Variants in FOXN3 observed in about 807,000 individuals in gnomAD.
FOXN3 encodes forkhead box protein N3.
A neutral mutation model predicts 38.4 loss-of-function variants in FOXN3; 7 were observed. The ratio of observed to expected loss-of-function variants is 0.18; its 90% CI spans 0.10 to 0.34. FOXN3 has a LOEUF of 0.34. Ranked by LOEUF, FOXN3 falls within the 10% of genes least tolerant of loss-of-function variation. The probability of loss-of-function intolerance (pLI) is 1.00; values close to 1 mark genes in which losing one functional copy is unlikely to be tolerated. For synonymous variants in FOXN3, 230 were observed against 242.2 expected, an observed-to-expected ratio of 0.95 and a Z score of 0.47; for missense variants, 456 against 613.4, an observed-to-expected ratio of 0.74 and a Z score of 2.71.
rs996305983 is a variant in FOXN3, at chr14:89,484,809, G to A, written c.-14-72319C>T. Among the ~76,000 whole-genome samples the A allele has an allele frequency of 6.6e-6, 1 of 152,278 alleles. No individual in the cohort carries two copies. The highest frequency in any genetic ancestry group is 1.9e-4 in the East Asian group (1 of 5,176). On this transcript the variant is annotated intron_variant, in intron 1 of 6. Coordinates refer to the FOXN3 transcript ENST00000345097. The surrounding 1 kb of genome is among the most constrained non-coding windows in gnomAD (Gnocchi z 4.0). ...AGGGAGGACCCAACAGGCAGTGAGC[G>A]GGGTCTCCACTGACAACTCTCAGTA...
At chr14:89,265,182 G>A (rs1294719631) in intron 4 of FOXN3, among the ~76,000 whole-genome samples, 2 of 152,192 alleles carry the variant, frequency 1.3e-5, no homozygotes, top group African/African-American at 4.8e-5. Flanking sequence ...TTATCAGCTA[G>A]TAATCTTTCC....
At chr14:89,264,813 A>T (rs903392522) in intron 4 of FOXN3, among the ~76,000 whole-genome samples, 2 of 152,232 alleles carry the variant, frequency 1.3e-5, no homozygotes, top group African/African-American at 4.8e-5. Flanking sequence ...CTTCTCAAGT[A>T]GGATTCCATG....
chr14:89,536,365 G>C (rs975873902), intron 1 of FOXN3, among the ~76,000 whole-genome samples: 1 of 152,200 alleles, frequency 6.6e-6, no homozygotes, highest in Non-Finnish European at 1.5e-5. Context: ...AGAAAGTAGT[G>C]AGTACACACT....
chr14:89,496,042 G>A lies in FOXN3; in HGVS notation c.-14-83552C>T, dbSNP rs139946423. On this transcript the variant is annotated intron_variant, in intron 1 of 6. Coordinates refer to the FOXN3 transcript ENST00000345097. ...AGCTTGGCCAACGTGGTAAAATCCC[G>A]TCTCTACTAAAAATTCAAAAATTAG... 6.0e-3 allele frequency among the ~76,000 whole-genome samples: 920 copies of A among 152,178 alleles called. 6 individuals carry two copies. The highest frequency in any genetic ancestry group is 9.6e-3 in the Non-Finnish European group (650 of 68,028).
chr14:89,228,225 G>C (rs982482170), intron 4 of FOXN3, among the ~76,000 whole-genome samples: 2 of 152,254 alleles, frequency 1.3e-5, no homozygotes, highest in Admixed American at 1.3e-4. Context: ...TTGATGGTCT[G>C]ATAAAAGAGG....
intron 2 of FOXN3, among the ~76,000 whole-genome samples, chr14:89,409,081 G>C (rs1891465461): frequency 6.6e-6 from 1 of 152,172 alleles, no homozygotes; most frequent in African/African-American, 2.4e-5. Flanking sequence ...CAAGAAAGAG[G>C]AGAAAAGTGG....
intron 4 of FOXN3, among the ~76,000 whole-genome samples, chr14:89,228,310 C>A (rs1368888937): frequency 6.6e-6 from 1 of 152,206 alleles, no homozygotes; most frequent in Non-Finnish European, 1.5e-5. Context: ...CTTCTAAACT[C>A]TTCAATGTAC....
intron 3 of FOXN3, among the ~76,000 whole-genome samples, chr14:89,282,612 A>G (rs1479630792): frequency 6.6e-6 from 1 of 152,262 alleles, no homozygotes; most frequent in Non-Finnish European, 1.5e-5. Context: ...AGCAGGGAAC[A>G]GCAAGCTGGC....
chr14:89,597,541 T>C (rs1896081834), intron 1 of FOXN3, among the ~76,000 whole-genome samples: 1 of 152,218 alleles, frequency 6.6e-6, no homozygotes, highest in Non-Finnish European at 1.5e-5. Context: ...TACCAATTAC[T>C]GAGAGGTGTT....
At chr14:89,525,187 TACTC>T (rs1259938215) in intron 1 of FOXN3, among the ~76,000 whole-genome samples, 2 of 152,142 alleles carry the variant, frequency 1.3e-5, no homozygotes, top group African/African-American at 4.8e-5. Flanking sequence ...GAGGCATTCT[TACTC>T]ACAGGGTGAG....
chr14:89,304,001 A>C (rs966085469), intron 3 of FOXN3, among the ~76,000 whole-genome samples: 1 of 152,208 alleles, frequency 6.6e-6, no homozygotes, highest in Non-Finnish European at 1.5e-5. Flanking sequence ...GCAGTCCATA[A>C]ATGATCCTTT....
intron 1 of FOXN3, among the ~76,000 whole-genome samples, chr14:89,467,599 T>C (rs1596286186): frequency 6.7e-6 from 1 of 149,438 alleles, no homozygotes; most frequent in Non-Finnish European, 1.5e-5. Context: ...AAATTAAAGC[T>C]AAAACATTTT....
chr14:89,274,556 A>T (rs1190019834), intron 4 of FOXN3, among the ~76,000 whole-genome samples: 1 of 152,162 alleles, frequency 6.6e-6, no homozygotes, highest in African/African-American at 2.4e-5. Flanking sequence ...CACATCTCGC[A>T]GGCCCATTTT....
intron 1 of FOXN3, among the ~76,000 whole-genome samples, chr14:89,447,232 C>T (rs1892521651): frequency 6.6e-6 from 1 of 151,152 alleles, no homozygotes; most frequent in South Asian, 2.1e-4. Flanking sequence ...TTCCTAAAAG[C>T]AGAATTGCTG....
chr14:89,572,489 G>A (rs1287219724), intron 1 of FOXN3, among the ~76,000 whole-genome samples: 3 of 152,172 alleles, frequency 2.0e-5, no homozygotes, highest in African/African-American at 4.8e-5. Context: ...CCAGGCACTG[G>A]CTGGCCCTAA....
At chr14:89,543,911 G>C (rs1184835127) in intron 1 of FOXN3, among the ~76,000 whole-genome samples, 2 of 152,006 alleles carry the variant, frequency 1.3e-5, no homozygotes, top group Admixed American at 1.3e-4. Flanking sequence ...AATGGGGGTG[G>C]GGGGGAAGTA....
intron 1 of FOXN3, among the ~76,000 whole-genome samples, chr14:89,437,715 G>GGTTT (rs1433174182): frequency 3.3e-5 from 5 of 152,280 alleles, no homozygotes; most frequent in African/African-American, 1.2e-4. Flanking sequence ...CATAAAAATA[G>GGTTT]GCAACCAGCA....
chr14:89,436,915 A>G (rs1465231869), intron 1 of FOXN3, among the ~76,000 whole-genome samples: 1 of 152,116 alleles, frequency 6.6e-6, no homozygotes, highest in Non-Finnish European at 1.5e-5. Context: ...GGGAGGCCGA[A>G]GCAGGTGGAT....
intron 4 of FOXN3, among the ~76,000 whole-genome samples, chr14:89,195,938 G>C (rs1462454500): frequency 2.0e-5 from 3 of 152,014 alleles, no homozygotes; most frequent in Non-Finnish European, 4.4e-5. Flanking sequence ...TGCTGTCATG[G>C]GTGCTGAATA....
Sources: gnomAD v4.1 joint callset for allele counts (sites outside exome capture counted in the v4.1 genomes callset) on GRCh38, gnomAD v4.1.1 for gene constraint, Gnocchi (gnomAD v3.1) non-coding constraint, MANE v1.5 for transcripts, NCBI Gene and HGNC (gene_info 2026-07-23, HGNC 2026-07-21) for gene names.